CDK14: variants seen among roughly 807,000 people sequenced by gnomAD.
CDK14 encodes the protein cyclin dependent kinase 14, also known as cyclin-dependent kinase 14.
In CDK14, 34 loss-of-function variants were observed where a neutral mutation model predicts 60.7. The ratio of observed to expected loss-of-function variants is 0.56; its 90% confidence interval spans 0.43 to 0.75. The LOEUF (loss-of-function observed/expected upper bound fraction) is 0.75. Ranked by LOEUF, CDK14 falls within the 30% of genes least tolerant of loss-of-function variation. The probability of loss-of-function intolerance (pLI) is 0.00; values close to 1 mark genes in which losing one functional copy is unlikely to be tolerated. For synonymous variants in CDK14, 197 were observed against 203.7 expected (o/e 0.97, Z 0.28); for missense variants, 482 against 564.1 (o/e 0.85, Z 1.47).
At chr7:90,906,275 T>G (rs191126345) in intron 7 of CDK14, among the ~76,000 whole-genome samples, 1 of 152,130 alleles carries the variant, frequency 6.6e-6, no homozygotes, top group African/African-American at 2.4e-5. Flanking sequence ...TGGGAAAATA[T>G]AGACAAAAAA....
chr7:90,945,032 T>C (rs1794059698), intron 8 of CDK14, among the ~76,000 whole-genome samples: 1 of 152,050 alleles, frequency 6.6e-6, no homozygotes, highest in Non-Finnish European at 1.5e-5. Flanking sequence ...TGAACTGACA[T>C]AAGAAAAAAA....
intron 11 of CDK14, among the ~76,000 whole-genome samples, chr7:91,065,134 G>A (rs886894343): frequency 3.3e-5 from 5 of 152,234 alleles, no homozygotes; most frequent in African/African-American, 9.6e-5. Context: ...AGAAAAGCAT[G>A]CTGTTAGTAA....
chr7:90,772,723 T>C (rs1389928948), intron 4 of CDK14, among the ~76,000 whole-genome samples: 1 of 152,168 alleles, frequency 6.6e-6, no homozygotes, highest in Non-Finnish European at 1.5e-5. Context: ...CAATTAAACC[T>C]CTTTTCTTAT....
intron 9 of CDK14, among the ~76,000 whole-genome samples, chr7:90,962,679 TA>T (rs201012823): frequency 0.015 from 2,221 of 152,252 alleles, 20 homozygotes; most frequent in Non-Finnish European, 0.022. Flanking sequence ...TAAGAACAAA[TA>T]AAAATTTCCC....
intron 5 of CDK14, among the ~76,000 whole-genome samples, chr7:90,803,105 A>T (rs1457247221): frequency 4.7e-5 from 7 of 148,876 alleles, no homozygotes; most frequent in South Asian, 4.2e-4. Flanking sequence ...TGAGTTAACC[A>T]TTTTTTTTTT....
chr7:90,928,811 GC>G (rs1236242746), intron 8 of CDK14, among the ~76,000 whole-genome samples: 2 of 152,222 alleles, frequency 1.3e-5, no homozygotes, highest in Non-Finnish European at 2.9e-5. Context: ...CCTATGTGCT[GC>G]CCCCAGAGGT....
At chr7:90,969,537 C>CTTT in intron 9 of CDK14, among the ~76,000 whole-genome samples, 1 of 152,134 alleles carries the variant, frequency 6.6e-6, no homozygotes. Context: ...AATACATTTG[C>CTTT]AGAGAGAAGC....
chr7:90,976,689 T>G (rs958591978), intron 9 of CDK14, among the ~76,000 whole-genome samples: 15 of 152,144 alleles, frequency 9.9e-5, no homozygotes, highest in Non-Finnish European at 1.5e-4. Context: ...TAAATAAGAT[T>G]GATAGTTTTA....
intron 12 of CDK14, among the ~76,000 whole-genome samples, chr7:91,105,296 CCA>C (rs1365256843): frequency 6.6e-6 from 1 of 152,166 alleles, no homozygotes; most frequent in Non-Finnish European, 1.5e-5. Flanking sequence ...TTGAGATTCT[CCA>C]CACAGAGTGG....
intron 5 of CDK14, among the ~76,000 whole-genome samples, chr7:90,818,040 C>T (rs1789413611): frequency 6.6e-6 from 1 of 152,118 alleles, no homozygotes; most frequent in Non-Finnish European, 1.5e-5. Context: ...GTGCTGCTTC[C>T]CGGAGGCAGG....
chr7:90,834,494 C>A (rs1380395281), intron 5 of CDK14, among the ~76,000 whole-genome samples: 1 of 152,066 alleles, frequency 6.6e-6, no homozygotes, highest in East Asian at 1.9e-4. Flanking sequence ...TAATGGGAAG[C>A]CACTGGAGTA....
At chr7:90,646,157 C>T (rs1224071602) in intron 2 of CDK14, among the ~76,000 whole-genome samples, 2 of 152,146 alleles carry the variant, frequency 1.3e-5, no homozygotes, top group Non-Finnish European at 1.5e-5. Context: ...CATCATATTT[C>T]TTGATTCACA....
chr7:91,161,571 G>A (rs917362928), intron 14 of CDK14, among the ~76,000 whole-genome samples: 1 of 152,204 alleles, frequency 6.6e-6, no homozygotes, highest in Non-Finnish European at 1.5e-5. Flanking sequence ...TGGCTGCGGA[G>A]TGAAGGTTAA....
intron 14 of CDK14, among the ~76,000 whole-genome samples, chr7:91,159,415 G>GA (rs1300181715): frequency 1.3e-5 from 2 of 152,174 alleles, no homozygotes; most frequent in Non-Finnish European, 2.9e-5. Flanking sequence ...CCTCAGTGGT[G>GA]AAAATAAGCA....
At chr7:90,633,435 G>A (rs1488704497) in intron 2 of CDK14, among the ~76,000 whole-genome samples, 1 of 152,128 alleles carries the variant, frequency 6.6e-6, no homozygotes, top group Non-Finnish European at 1.5e-5. Flanking sequence ...TGGGTCAGTG[G>A]TGTTAACTAG....
intron 2 of CDK14, among the ~76,000 whole-genome samples, chr7:90,685,462 G>A (rs1260526858): frequency 6.6e-6 from 1 of 151,584 alleles, no homozygotes; most frequent in African/African-American, 2.4e-5. Flanking sequence ...GATTAGCCTG[G>A]CATTGAATTT....
chr7:90,670,029 C>T (rs1345586256), intron 2 of CDK14, among the ~76,000 whole-genome samples: 4 of 152,108 alleles, frequency 2.6e-5, no homozygotes, highest in African/African-American at 9.7e-5. Context: ...CTGATTTTTC[C>T]ACAGTAGCCT....
intron 2 of CDK14, among the ~76,000 whole-genome samples, chr7:90,701,707 G>C (rs1294514154): frequency 1.3e-5 from 2 of 152,164 alleles, no homozygotes; most frequent in East Asian, 3.9e-4. Context: ...TCAACTTGAA[G>C]TGGCTAAAGA....
At chr7:90,953,198 G>GACTA (rs149602200) in intron 8 of CDK14, among the ~76,000 whole-genome samples, 125,885 of 151,706 alleles carry the variant, frequency 0.83, 52,375 homozygotes, top group East Asian at 0.95. Context: ...TGTTTTAATT[G>GACTA]ACTGTGTTCA....
Sources: allele counts gnomAD v4.1 joint callset (sites outside exome capture counted in the v4.1 genomes callset), GRCh38; gene constraint gnomAD v4.1.1; transcripts MANE v1.5; gene names NCBI Gene and HGNC (gene_info 2026-07-23, HGNC 2026-07-21).